NCKAP5: variants seen among roughly 807,000 people sequenced by gnomAD.
The protein encoded by NCKAP5 is NCK associated protein 5, also known as nck-associated protein 5.
In NCKAP5, 92 loss-of-function variants were observed where a neutral mutation model predicts 167.0. The ratio of observed to expected loss-of-function variants is 0.55; its 90% CI spans 0.47 to 0.66. The LOEUF (loss-of-function observed/expected upper bound fraction) is 0.66, where lower values mean the gene tolerates loss of function less well. Ranked by LOEUF, NCKAP5 falls within the 30% of genes least tolerant of loss-of-function variation. The pLI is 0.00. For missense variants in NCKAP5, 2,378 were observed against 2,315.0 expected (o/e 1.03, Z -0.56); for synonymous variants, 891 against 877.4 (o/e 1.02, Z -0.27).
chr2:133,290,469 C>A (rs552054598), intron 4 of NCKAP5, among the ~76,000 whole-genome samples: 1 of 152,160 alleles, frequency 6.6e-6, no homozygotes, highest in Admixed American at 6.5e-5. Context: ...TTAGAGCCTT[C>A]ACTATGACAT....
At chr2:132,732,550 T>C (rs1301470694) in intron 16 of NCKAP5, among the ~76,000 whole-genome samples, 2 of 152,290 alleles carry the variant, frequency 1.3e-5, no homozygotes, top group East Asian at 3.9e-4. Flanking sequence ...TCATGTAATA[T>C]GAGATAAGAA....
chr2:133,502,394 T>C (rs1048911350), intron 3 of NCKAP5, among the ~76,000 whole-genome samples: 5 of 152,234 alleles, frequency 3.3e-5, no homozygotes, highest in East Asian at 1.9e-4. Flanking sequence ...GGAGAGAACA[T>C]TGGATCAAAG....
At chr2:133,194,111 G>A (rs10928447) in intron 5 of NCKAP5, among the ~76,000 whole-genome samples, 4,787 of 151,958 alleles carry the variant, frequency 0.032, 123 homozygotes, top group South Asian at 0.072. Context: ...GTATGCACTC[G>A]GGTAAGAAAG....
chr2:132,909,527 T>G (rs574258786), intron 8 of NCKAP5, among the ~76,000 whole-genome samples: 3 of 152,306 alleles, frequency 2.0e-5, no homozygotes, highest in African/African-American at 7.2e-5. Flanking sequence ...TCTTCTATAT[T>G]CCATTTCCTC....
At chr2:133,545,594 G>A (rs969543477) in intron 2 of NCKAP5, among the ~76,000 whole-genome samples, 1 of 151,984 alleles carries the variant, frequency 6.6e-6, no homozygotes, top group African/African-American at 2.4e-5. Context: ...CTACCTCAGT[G>A]GTTACCGCAC....
At chr2:133,485,316 C>A (rs551579565) in intron 3 of NCKAP5, among the ~76,000 whole-genome samples, 1 of 152,192 alleles carries the variant, frequency 6.6e-6, no homozygotes, top group African/African-American at 2.4e-5. Context: ...CCCTCTAATT[C>A]CCTAAAATGT....
chr2:133,627,086 A>G, the NCKAP5 span, among the ~76,000 whole-genome samples: 1 of 152,180 alleles, frequency 6.6e-6, no homozygotes, highest in East Asian at 1.9e-4. Context: ...ATTGGCCATA[A>G]AACATATTGG....
chr2:132,841,847 A>G (rs1688317185), intron 11 of NCKAP5, among the ~76,000 whole-genome samples: 1 of 152,138 alleles, frequency 6.6e-6, no homozygotes, highest in Admixed American at 6.5e-5. Flanking sequence ...CTACTCTGGC[A>G]CTTCAGAAAT....
chr2:133,147,787 A>T (rs2083253379), intron 5 of NCKAP5, among the ~76,000 whole-genome samples: 1 of 152,110 alleles, frequency 6.6e-6, no homozygotes, highest in Non-Finnish European at 1.5e-5. Context: ...TACATATTTG[A>T]TGAGCCAATT....
At chr2:133,062,889 TG>T (rs1559101412) in intron 6 of NCKAP5, among the ~76,000 whole-genome samples, 1 of 152,168 alleles carries the variant, frequency 6.6e-6, no homozygotes, top group Non-Finnish European at 1.5e-5. Flanking sequence ...ATTGATTTCA[TG>T]GGAAAAAAAT....
At chr2:132,894,889 G>A (rs776276485) in intron 8 of NCKAP5, among the ~76,000 whole-genome samples, 17 of 152,088 alleles carry the variant, frequency 1.1e-4, no homozygotes, top group Admixed American at 2.0e-4. Flanking sequence ...GCCGTTCTGC[G>A]AGGACAGGAG....
In NCKAP5 at chr2:133,103,116, C is replaced by T. The variant is rs560990764; in HGVS notation, c.341+26862G>A. Among the ~76,000 whole-genome samples, 3 of 152,270 alleles carry T rather than the reference C, an allele frequency of 2.0e-5. 1 individual carries two copies. In the South Asian group the frequency reaches 6.2e-4, roughly 32 times the overall value. On this transcript the variant is annotated intron_variant, in intron 6 of 19. Coordinates refer to ENST00000409261, the MANE Select transcript of NCKAP5 (RefSeq NM_207363.3). ...ATGGATAGCTTTCCCTTAGCAATCT[C>T]ATTACATATTTTTACATATTTGTTG...
chr2:133,652,518 G>C, the NCKAP5 span, among the ~76,000 whole-genome samples: 1 of 152,122 alleles, frequency 6.6e-6, no homozygotes, highest in African/African-American at 2.4e-5. Flanking sequence ...ACTCAAAATG[G>C]GTTTCAGCCA....
the NCKAP5 span, among the ~76,000 whole-genome samples, chr2:133,671,589 A>G: frequency 6.6e-6 from 1 of 152,062 alleles, no homozygotes; most frequent in Non-Finnish European, 1.5e-5. Flanking sequence ...GCTCCACACC[A>G]CCTCAGGACT....
chr2:132,876,466 C>T (rs1691285213), intron 9 of NCKAP5, among the ~76,000 whole-genome samples: 1 of 152,172 alleles, frequency 6.6e-6, no homozygotes, highest in East Asian at 1.9e-4. Context: ...AAGGAAAAAA[C>T]TTACATAAGG....
chr2:133,274,483 G>T (rs2089648628), intron 4 of NCKAP5, among the ~76,000 whole-genome samples: 1 of 151,900 alleles, frequency 6.6e-6, no homozygotes, highest in Admixed American at 6.6e-5. Flanking sequence ...AATCTCAGCA[G>T]ATTTATACAC....
At chr2:133,605,883 G>A in the NCKAP5 span, among the ~76,000 whole-genome samples, 1 of 152,172 alleles carries the variant, frequency 6.6e-6, no homozygotes, top group Non-Finnish European at 1.5e-5. Context: ...GAGGAAAAGG[G>A]GGGCAGGAGG....
intron 3 of NCKAP5, among the ~76,000 whole-genome samples, chr2:133,399,445 G>T (rs931620719): frequency 1.3e-5 from 2 of 151,936 alleles, no homozygotes; most frequent in South Asian, 4.2e-4. Flanking sequence ...AGGCCGGGAG[G>T]CAGTTGAAGG....
intron 3 of NCKAP5, among the ~76,000 whole-genome samples, chr2:133,387,182 A>C: frequency 6.6e-6 from 1 of 152,094 alleles, no homozygotes; most frequent in Non-Finnish European, 1.5e-5. Flanking sequence ...AGTGGCTGGT[A>C]CTGGTTGTTC....
Sources: allele counts gnomAD v4.1 joint callset (sites outside exome capture counted in the v4.1 genomes callset), GRCh38; gene constraint gnomAD v4.1.1; transcripts MANE v1.5; gene names NCBI Gene and HGNC (gene_info 2026-07-23, HGNC 2026-07-21).